Variants in SUPT3H observed in about 807,000 individuals in gnomAD.
SUPT3H encodes the protein transcription initiation protein SPT3 homolog.
SUPT3H carries 44 observed loss-of-function variants against 44.3 expected under a neutral mutation model. The observed-to-expected ratio is 0.99, with a 90% CI of 0.78 to 1.28. The LOEUF is 1.28. SUPT3H is among the 50% of genes most tolerant of loss of function. The probability of loss-of-function intolerance (pLI) is 0.00; values close to 1 mark genes in which losing one functional copy is unlikely to be tolerated. For synonymous variants in SUPT3H, 124 were observed against 125.6 expected (o/e 0.99, Z 0.09); for missense variants, 380 against 387.1 (o/e 0.98, Z 0.15).
intron 7 of SUPT3H, among the ~76,000 whole-genome samples, chr6:44,960,218 C>T (rs911378570): frequency 2.0e-5 from 3 of 151,788 alleles, no homozygotes; most frequent in African/African-American, 7.3e-5. Flanking sequence ...ACCACCCTGG[C>T]CAACATAGTG....
chr6:45,147,280 A>G lies in SUPT3H; in HGVS notation c.102-41274T>C, dbSNP rs553100853. ...GTCCTCGTTTTAGAAAAAAAGAAAAAGAAATATGAAATTAAACACTGAATG... is the reference window on the plus strand; with the variant it reads ...GTCCTCGTTTTAGAAAAAAAGAAAAGGAAATATGAAATTAAACACTGAATG... On this transcript the variant is annotated intron_variant, in intron 2 of 10. Coordinates refer to ENST00000371459, the MANE Select transcript of SUPT3H (RefSeq NM_003599.4). Among the ~76,000 whole-genome samples, 281 of 152,266 alleles carry G rather than the reference A, an allele frequency of 1.8e-3. 1 individual carries two copies. The highest frequency in any genetic ancestry group is 6.3e-3 in the African/African-American group (260 of 41,544).
chr6:45,084,417 G>A (rs942458662), intron 3 of SUPT3H, among the ~76,000 whole-genome samples: 5 of 152,052 alleles, frequency 3.3e-5, no homozygotes, highest in Non-Finnish European at 7.4e-5. Context: ...TCATCAGAGA[G>A]ATACAAATCA....
chr6:44,853,982 A>C (rs931348501), intron 10 of SUPT3H, among the ~76,000 whole-genome samples: 5 of 151,942 alleles, frequency 3.3e-5, no homozygotes, highest in African/African-American at 1.2e-4. Context: ...TTTAGCTAAA[A>C]AAAAAAAAAA....
At chr6:45,097,080 A>G (rs1797890122) in intron 3 of SUPT3H, among the ~76,000 whole-genome samples, 1 of 152,202 alleles carries the variant, frequency 6.6e-6, no homozygotes, top group Non-Finnish European at 1.5e-5. Context: ...TGATGAAAAG[A>G]TAACACTGAT....
intron 2 of SUPT3H, among the ~76,000 whole-genome samples, chr6:45,170,520 C>T (rs1471389156): frequency 1.3e-5 from 2 of 152,126 alleles, no homozygotes; most frequent in African/African-American, 2.4e-5. Flanking sequence ...ATCAGTTCAG[C>T]GAAATTCTGT....
chr6:44,990,449 T>C (rs1479902659), intron 6 of SUPT3H, among the ~76,000 whole-genome samples: 2 of 152,014 alleles, frequency 1.3e-5, no homozygotes, highest in Non-Finnish European at 2.9e-5. Flanking sequence ...TTGATTACTA[T>C]AGCTTGGTAA....
At chr6:45,258,609 T>C (rs1773802392) in intron 2 of SUPT3H, among the ~76,000 whole-genome samples, 1 of 152,164 alleles carries the variant, frequency 6.6e-6, no homozygotes, top group African/African-American at 2.4e-5. Flanking sequence ...AAATGGATAA[T>C]TACAAGTCAG....
At chr6:45,357,380 G>C (rs556300069) in intron 2 of SUPT3H, among the ~76,000 whole-genome samples, 2 of 152,048 alleles carry the variant, frequency 1.3e-5, no homozygotes, top group African/African-American at 4.8e-5. Flanking sequence ...ACCCAGGCTG[G>C]AGAACAGTGG....
chr6:45,275,344 T>G (rs933802732), intron 2 of SUPT3H, among the ~76,000 whole-genome samples: 3 of 152,214 alleles, frequency 2.0e-5, no homozygotes, highest in African/African-American at 7.2e-5. Flanking sequence ...CTCTGTTATT[T>G]TTGAGATGTA....
chr6:45,067,461 C>A (rs62436459), intron 3 of SUPT3H, among the ~76,000 whole-genome samples: 27,894 of 114,026 alleles, frequency 0.24, 4,363 homozygotes, highest in Non-Finnish European at 0.32. Flanking sequence ...AAATTGACAA[C>A]TGGGATCTAA....
rs191616828 is a variant in SUPT3H, at chr6:45,165,619, C to T, written c.102-59613G>A. Among the ~76,000 whole-genome samples the T allele has an allele frequency of 3.3e-5, 5 of 152,014 alleles. No homozygotes were observed. The East Asian group carries it at 9.7e-4, about 29-fold the overall frequency. On this transcript the variant is annotated intron_variant, in intron 2 of 10. Transcript: ENST00000371459. ...TCCTAGTGGAAAAAGGCCCAATATGCAGAGAAGAAGGATTGCAAATGAGAA... is the reference window on the plus strand; with the variant it reads ...TCCTAGTGGAAAAAGGCCCAATATGTAGAGAAGAAGGATTGCAAATGAGAA...
chr6:45,250,521 C>G (rs1173655729), intron 2 of SUPT3H, among the ~76,000 whole-genome samples: 1 of 151,524 alleles, frequency 6.6e-6, no homozygotes, highest in African/African-American at 2.4e-5. Context: ...AAATGGAAAA[C>G]AGGATAGAAA....
At chr6:45,025,923 T>A (rs1187543104) in intron 3 of SUPT3H, among the ~76,000 whole-genome samples, 3 of 152,062 alleles carry the variant, frequency 2.0e-5, no homozygotes, top group Admixed American at 2.0e-4. Context: ...TTAAGTTGAT[T>A]ATTCCACAAT....
chr6:44,986,431 A>G (rs1779804168), intron 6 of SUPT3H, among the ~76,000 whole-genome samples: 1 of 152,204 alleles, frequency 6.6e-6, no homozygotes, highest in South Asian at 2.1e-4. Context: ...AGTAAGTGCA[A>G]TGAATGACTC....
At chr6:45,113,164 A>G (rs1800330473) in intron 2 of SUPT3H, among the ~76,000 whole-genome samples, 2 of 151,700 alleles carry the variant, frequency 1.3e-5, no homozygotes, top group Admixed American at 1.3e-4. Flanking sequence ...AGGTATTACT[A>G]TAATACCCAA....
chr6:45,187,011 T>A (rs533599840), intron 2 of SUPT3H, among the ~76,000 whole-genome samples: 1 of 149,636 alleles, frequency 6.7e-6, no homozygotes, highest in East Asian at 2.0e-4. Flanking sequence ...TATGCACCCC[T>A]GTAGCCCCAA....
rs201924393 is a variant in SUPT3H at position 45,241,206 on chromosome 6, GC to G, written c.101+123994del. Among the ~76,000 whole-genome samples, 239 of 143,086 alleles carry G rather than the reference GC, an allele frequency of 1.7e-3. No homozygotes were observed. In the South Asian group the frequency reaches 0.019, roughly 11 times the overall value. 93.9% of individuals were successfully genotyped at this position (143,086 alleles called of 152,430 possible). On this transcript the variant is annotated intron_variant, in intron 2 of 10. Transcript: ENST00000371459. ...AAAAAGGGGGACATGTTGGGAACAG[GC>G]CCCCCCCCAAATCTTGCCATAAGCT...
At chr6:44,966,645 A>T (rs1002506163) in intron 6 of SUPT3H, among the ~76,000 whole-genome samples, 1 of 152,152 alleles carries the variant, frequency 6.6e-6, no homozygotes, top group Admixed American at 6.5e-5. Context: ...ACTATTCTAG[A>T]TCATATTACT....
chr6:45,187,762 A>C (rs1439726871), intron 2 of SUPT3H, among the ~76,000 whole-genome samples: 1 of 152,222 alleles, frequency 6.6e-6, no homozygotes, highest in Non-Finnish European at 1.5e-5. Context: ...TACAAAACAG[A>C]AAATAACAGA....
Sources: gnomAD v4.1 joint callset for allele counts (sites outside exome capture counted in the v4.1 genomes callset) on GRCh38, gnomAD v4.1.1 for gene constraint, MANE v1.5 for transcripts, NCBI Gene and HGNC (gene_info 2026-07-23, HGNC 2026-07-21) for gene names.